The following ABLIM3 variants were observed in gnomAD, a reference collection of about 807,000 sequenced individuals.
The protein encoded by ABLIM3 is actin-binding LIM protein 3.
In ABLIM3, 61 loss-of-function variants were observed where a neutral mutation model predicts 109.5. That is an observed-to-expected ratio of 0.56 (90% CI 0.45 to 0.69). The LOEUF is 0.69. Ranked by LOEUF, ABLIM3 falls within the 30% of genes least tolerant of loss-of-function variation. The probability of loss-of-function intolerance (pLI) is 0.00; values close to 1 mark genes in which losing one functional copy is unlikely to be tolerated. For missense variants in ABLIM3, 796 were observed against 889.5 expected, an observed-to-expected ratio of 0.89 and a Z score of 1.34; for synonymous variants, 300 against 324.8, an observed-to-expected ratio of 0.92 and a Z score of 0.82.
rs771536416 is a variant in ABLIM3 at position 149,252,805 on chromosome 5, C to G, written c.1906C>G (p.Leu636Val). ...LLVTTRGRNRLPKDVDRTRLE... is the reference protein window; with the variant it reads ...LLVTTRGRNRVPKDVDRTRLE... ...GGTGACTACAAGAGGAAGAAACCGA[C>G]TGCCCAAGGATGTAGACAGGACCCG... Residue 636 changes from leucine (L) to valine (V), a missense_variant, in exon 23 of 24, where the codon CTG (leucine) becomes GTG (valine). Leu to Val is a conservative substitution (Grantham distance 32). Coordinates refer to ENST00000309868, the MANE Select transcript of ABLIM3 (RefSeq NM_014945.5). 6.2e-7 allele frequency: 1 copy of G among 1,613,532 alleles called. No homozygotes were observed. The highest frequency in any genetic ancestry group is 1.1e-5 in the South Asian group (1 of 91,070).
Position 149,239,809 on chromosome 5 carries a change from G to A in ABLIM3, c.1125G>A (p.Gly375=), listed in dbSNP as rs1387505728. The part of the protein sequence containing the change: ...DLRQRRASSP[G]YIDSPTYSRQ... Reference sequence around the variant, plus strand: ...GGCAGAGACGGGCCTCCAGCCCGGGGTACATAGACTCCCCCACCTACAGCC... The same window carrying A: ...GGCAGAGACGGGCCTCCAGCCCGGGATACATAGACTCCCCCACCTACAGCC... Residue 375 remains glycine, a synonymous_variant, in exon 13 of 24, where the codon GGG becomes GGA. Coordinates refer to ENST00000309868, the MANE Select transcript of ABLIM3 (RefSeq NM_014945.5). 6 of 1,609,894 alleles carry A rather than the reference G, an allele frequency of 3.7e-6. No individual in the cohort carries two copies. Among genetic ancestry groups the A allele is most frequent in the African/African-American group, 1.3e-5 (1 of 74,678 alleles).
At position 149,247,898 on chromosome 5, in the gene ABLIM3, C is replaced by T. The variant is rs772501095; in HGVS notation, c.1668C>T (p.His556=). ...CCACCAGCAGCCGGGAAGCCCTGCA[C>T]ACAGCTGGCTATGAGATGTCCCTCA... ...RSSTSSREAL[H]TAGYEMSLNG... The change falls in exon 18 of 24, where the codon CAC becomes CAT. Residue 556 remains histidine, a synonymous_variant. Coordinates refer to ENST00000309868, the MANE Select transcript of ABLIM3 (RefSeq NM_014945.5). 4 of 1,614,104 alleles carry T rather than the reference C, an allele frequency of 2.5e-6. No individual in the cohort carries two copies. The highest frequency in any genetic ancestry group is 1.1e-5 in the South Asian group (1 of 91,082).
intron 3 of ABLIM3, among the ~76,000 whole-genome samples, chr5:149,191,189 T>C (rs894036836): frequency 1.3e-5 from 2 of 152,068 alleles, no homozygotes; most frequent in African/African-American, 4.8e-5. Context: ...TCTGGCAAAA[T>C]TATTCAAGTA....
rs775961626 is a variant in ABLIM3 at position 149,230,637 on chromosome 5, A to G, written c.758-12A>G. 5.6e-6 allele frequency: 9 copies of G among 1,613,758 alleles called. No individual in the cohort carries two copies. The highest frequency in any genetic ancestry group is 6.8e-6 in the Non-Finnish European group (8 of 1,179,902). ...AAAGGTCTGAGTCTTCGTTATTTTC[A>G]TGACCCCTTAGGTTCCGAGGTTTGG... On this transcript the variant is annotated splice_polypyrimidine_tract_variant and intron_variant, in intron 8 of 23. Coordinates refer to ENST00000309868, the MANE Select transcript of ABLIM3 (RefSeq NM_014945.5).
At position 149,259,626 on chromosome 5, in the gene ABLIM3, T is replaced by TC; in HGVS notation, c.*1225dup. 6.6e-7 allele frequency: 1 copy of TC among 1,524,016 alleles called. No homozygotes were observed. Among genetic ancestry groups the TC allele is most frequent in the Middle Eastern group, 1.7e-4 (1 of 5,966 alleles). 94.4% of individuals were successfully genotyped at this position (1,524,016 alleles called of 1,614,324 possible). On this transcript the variant is annotated 3_prime_UTR_variant, in exon 24 of 24. Coordinates refer to ENST00000309868, the MANE Select transcript of ABLIM3 (RefSeq NM_014945.5). ...CACCGCTCATGGCCATCCTGGATTT[T>TC]CCCAGTGGCTTCCCTTCCTGCTCGC...
At chr5:149,172,989 A>G (rs1755585558) in intron 2 of ABLIM3, among the ~76,000 whole-genome samples, 1 of 152,248 alleles carries the variant, frequency 6.6e-6, no homozygotes, top group Non-Finnish European at 1.5e-5. Flanking sequence ...CCCAAGGAAG[A>G]ACCAGATGTT....
intron 2 of ABLIM3, among the ~76,000 whole-genome samples, chr5:149,153,362 C>T (rs935174473): frequency 6.6e-6 from 1 of 152,172 alleles, no homozygotes; most frequent in South Asian, 2.1e-4. Flanking sequence ...TTTCTACCTC[C>T]CAAACATGAC....
intron 9 of ABLIM3, among the ~76,000 whole-genome samples, chr5:149,232,776 A>G (rs755531989): frequency 3.3e-5 from 5 of 152,078 alleles, no homozygotes; most frequent in Admixed American, 2.6e-4. Context: ...TTTTAAGTTT[A>G]TCACTTAAGT....
chr5:149,232,631 A>G (rs577333660), intron 9 of ABLIM3, among the ~76,000 whole-genome samples: 1 of 152,282 alleles, frequency 6.6e-6, no homozygotes, highest in South Asian at 2.1e-4. Flanking sequence ...AAGACCACAT[A>G]CTTCACCTGT....
At chr5:149,211,619 G>T (rs1759562484) in intron 7 of ABLIM3, among the ~76,000 whole-genome samples, 1 of 152,072 alleles carries the variant, frequency 6.6e-6, no homozygotes, top group African/African-American at 2.4e-5. Flanking sequence ...GATCAGATTG[G>T]ATCAGGTATT....
At position 149,259,168 on chromosome 5, in the gene ABLIM3, G is replaced by T; in HGVS notation, c.*764G>T. 1 of 1,037,544 alleles carries T rather than the reference G, an allele frequency of 9.6e-7. No homozygotes were observed. The highest frequency in any genetic ancestry group is 4.2e-5 in the South Asian group (1 of 24,022). 64.3% of individuals were successfully genotyped at this position (1,037,544 alleles called of 1,614,324 possible). ...AGAACCAGAGGAAAAGAGAGGGAGC[G>T]GAAGTGGGAGATGGAGCAGGGCACC... On this transcript the variant is annotated 3_prime_UTR_variant, in exon 24 of 24. Coordinates refer to ENST00000309868, the MANE Select transcript of ABLIM3 (RefSeq NM_014945.5).
chr5:149,176,551 G>A (rs1331623678), intron 2 of ABLIM3, among the ~76,000 whole-genome samples: 1 of 152,024 alleles, frequency 6.6e-6, no homozygotes, highest in Non-Finnish European at 1.5e-5. Context: ...CTAACTGTGT[G>A]ACCTTGGACA....
At chr5:149,160,186 G>A (rs941999537) in intron 2 of ABLIM3, among the ~76,000 whole-genome samples, 1 of 152,144 alleles carries the variant, frequency 6.6e-6, no homozygotes, top group African/African-American at 2.4e-5. Flanking sequence ...TAGGAACAGT[G>A]GCTCACACTT....
intron 15 of ABLIM3, 42 bp downstream of exon 15, chr5:149,242,580 G>A (rs199572522): frequency 1.1e-4 from 181 of 1,609,278 alleles, no homozygotes; most frequent in Non-Finnish European, 1.5e-4. Context: ...ACAAGGAGAG[G>A]GGGGAGGTTA....
Position 149,259,720 on chromosome 5 carries a change from G to T in ABLIM3, c.*1316G>T. 1 of 917,292 alleles carries T rather than the reference G, an allele frequency of 1.1e-6. No individual in the cohort carries two copies. Among genetic ancestry groups the T allele is most frequent in the Non-Finnish European group, 1.7e-6 (1 of 599,234 alleles). 56.8% of individuals were successfully genotyped at this position (917,292 alleles called of 1,614,324 possible). On this transcript the variant is annotated 3_prime_UTR_variant, in exon 24 of 24. Transcript: ENST00000309868. ...AAACCTTTCACCTTGAATGGGTAAT[G>T]TTTGGTGGGGGCTGTTCCTTCTTGG... is the stretch of plus-strand genomic sequence containing the variant.
intron 7 of ABLIM3, among the ~76,000 whole-genome samples, chr5:149,214,879 G>A (rs1480195796): frequency 4.6e-5 from 7 of 152,042 alleles, no homozygotes; most frequent in South Asian, 2.1e-4. Context: ...TGCTGTTTTC[G>A]GTCCTCTCAA....
intron 3 of ABLIM3, among the ~76,000 whole-genome samples, chr5:149,196,380 A>T (rs983035748): frequency 6.6e-6 from 1 of 152,242 alleles, no homozygotes. Flanking sequence ...TCAGACTTAC[A>T]GTCTTGCTAA....
intron 8 of ABLIM3, among the ~76,000 whole-genome samples, chr5:149,228,766 CT>C (rs1024356853): frequency 5.3e-5 from 8 of 151,266 alleles, no homozygotes; most frequent in Non-Finnish European, 2.9e-5. Flanking sequence ...TATTTTTTTT[CT>C]TGTTTGATCC....
rs1441117886 is a variant in ABLIM3 at position 149,192,833 on chromosome 5, A to T, written c.152-5386A>T. ...GTAGTATTATTCCTAAAAAGAAAAA[A>T]ATAATCAGACCTGAATTTCAAGTCT... is the stretch of plus-strand genomic sequence containing the variant. On this transcript the variant is annotated intron_variant, in intron 3 of 23. Transcript: ENST00000309868. Among the ~76,000 whole-genome samples, 5 of 145,302 alleles carry T rather than the reference A, an allele frequency of 3.4e-5. No homozygotes were observed. In the East Asian group the frequency reaches 9.6e-4, roughly 28 times the overall value.
Sources: gnomAD v4.1 joint callset for allele counts (sites outside exome capture counted in the v4.1 genomes callset) on GRCh38, gnomAD v4.1.1 for gene constraint, MANE v1.5 for transcripts, NCBI Gene and HGNC (gene_info 2026-07-23, HGNC 2026-07-21) for gene names.